Variants in MLF1 observed in about 807,000 individuals in gnomAD.
MLF1 encodes myelodysplasia-myeloid leukemia factor 1.
Under a neutral mutation model 38.3 loss-of-function variants are expected in MLF1, and 37 were observed. That is an observed-to-expected ratio of 0.96 (90% CI 0.74 to 1.27). MLF1 has a LOEUF of 1.27. Ranked by LOEUF, MLF1 falls within the 50% of genes most tolerant of loss-of-function variation. The pLI is 0.00. For synonymous variants in MLF1, 95 were observed against 106.5 expected, an observed-to-expected ratio of 0.89 and a Z score of 0.66; for missense variants, 331 against 349.2, an observed-to-expected ratio of 0.95 and a Z score of 0.42.
At chr3:158,578,753 C>T (rs548486507) in intron 1 of MLF1, among the ~76,000 whole-genome samples, 1 of 152,224 alleles carries the variant, frequency 6.6e-6, no homozygotes, top group Non-Finnish European at 1.5e-5. Flanking sequence ...ATATAGTCAT[C>T]AGTGAGTAAA....
At chr3:158,604,007 T>G (rs1720164370) in intron 7 of MLF1, among the ~76,000 whole-genome samples, 1 of 152,128 alleles carries the variant, frequency 6.6e-6, no homozygotes, top group Non-Finnish European at 1.5e-5. Flanking sequence ...TTCTAAGCTA[T>G]AAGAAAGTGG....
chr3:158,580,938 A>G (rs185682242), intron 1 of MLF1, among the ~76,000 whole-genome samples: 5 of 152,176 alleles, frequency 3.3e-5, no homozygotes, highest in Admixed American at 2.0e-4. Flanking sequence ...ACAGAATGAA[A>G]CTCTGTCTCA....
chr3:158,574,091 A>G lies in MLF1; in HGVS notation c.47+2744A>G, dbSNP rs1392910285. Among the ~76,000 whole-genome samples, 6 of 152,178 alleles carry G rather than the reference A, an allele frequency of 3.9e-5. No individual in the cohort carries two copies. The South Asian group carries it at 1.2e-3, about 32-fold the overall frequency. On this transcript the variant is annotated intron_variant, in intron 1 of 7. Transcript: ENST00000466246. ...TGGGATTACAGGCATGCGCCACTGC[A>G]CCTAGCCAATGTTGTTGTTTAAATA... is the stretch of plus-strand genomic sequence containing the variant.
intron 1 of MLF1, among the ~76,000 whole-genome samples, chr3:158,572,879 A>G (rs1714754588): frequency 6.6e-6 from 1 of 151,510 alleles, no homozygotes; most frequent in South Asian, 2.1e-4. Context: ...ATTTGGCTGC[A>G]TGAGATGGAA....
intron 1 of MLF1, among the ~76,000 whole-genome samples, chr3:158,572,390 G>A (rs1276936628): frequency 1.4e-5 from 2 of 142,762 alleles, no homozygotes; most frequent in Admixed American, 6.9e-5. Context: ...AAGTGCAGGG[G>A]AGGATTGAGG....
At chr3:158,589,898 A>G (rs1026983067) in intron 1 of MLF1, among the ~76,000 whole-genome samples, 3 of 152,214 alleles carry the variant, frequency 2.0e-5, no homozygotes, top group African/African-American at 4.8e-5. Context: ...TTTTAAAGCC[A>G]GCAGTGTAGC....
chr3:158,582,073 G>A (rs544036811), intron 1 of MLF1, among the ~76,000 whole-genome samples: 75 of 152,138 alleles, frequency 4.9e-4, no homozygotes, highest in South Asian at 2.1e-4. Flanking sequence ...CCAGCTACTC[G>A]GGAGGCTGAG....
chr3:158,573,544 G>A (rs1714907487), intron 1 of MLF1: 1 of 152,072 alleles, frequency 6.6e-6, no homozygotes, highest in African/African-American at 2.4e-5. Flanking sequence ...TGAGTTGTGG[G>A]ATTTTTTTTC....
chr3:158,589,492 G>A (rs1239181431), intron 1 of MLF1, among the ~76,000 whole-genome samples: 6 of 152,156 alleles, frequency 3.9e-5, no homozygotes, highest in Non-Finnish European at 7.3e-5. Flanking sequence ...TTACAGGCAT[G>A]AGCCACCGCG....
At chr3:158,582,938 AAC>A in intron 1 of MLF1, 1 of 677,138 alleles carries the variant, frequency 1.5e-6, no homozygotes, top group Non-Finnish European at 2.7e-6. Flanking sequence ...AGGTAAAATA[AAC>A]ACATTTATTT....
At chr3:158,578,074 T>A (rs896032924) in intron 1 of MLF1, among the ~76,000 whole-genome samples, 7 of 152,184 alleles carry the variant, frequency 4.6e-5, no homozygotes, top group African/African-American at 1.4e-4. Flanking sequence ...CTCAAGATCC[T>A]TCTTTGAATG....
At chr3:158,602,680 C>T (rs141113451) in intron 6 of MLF1, 127 bp from the exon 7 acceptor site, 2 of 777,820 alleles carry the variant, frequency 2.6e-6, no homozygotes, top group East Asian at 5.7e-5. Context: ...TTTGAAGCAG[C>T]TTCCTGCCTC....
intron 6 of MLF1, among the ~76,000 whole-genome samples, chr3:158,601,506 G>A (rs950710046): frequency 6.6e-6 from 1 of 152,146 alleles, no homozygotes; most frequent in Admixed American, 6.5e-5. Context: ...GGAGGCGGAG[G>A]TTGCAGTGAG....
Position 158,602,911 on chromosome 3 carries a change from A to G in MLF1, c.718A>G (p.Asn240Asp). 2 of 1,613,478 alleles carry G rather than the reference A, an allele frequency of 1.2e-6. No individual in the cohort carries two copies. The highest frequency in any genetic ancestry group is 1.7e-6 in the Non-Finnish European group (2 of 1,179,768). ...NTRMRSVGHENPGSRELKRRE... is the reference protein window; with the variant it reads ...NTRMRSVGHEDPGSRELKRRE... Reference sequence around the variant, plus strand: ...TAGAATGAGAAGTGTTGGCCATGAGAATCCTGGCTCCCGAGAACTTAAAAG... The same window carrying G: ...TAGAATGAGAAGTGTTGGCCATGAGGATCCTGGCTCCCGAGAACTTAAAAG... The change falls in exon 7 of 8, where the codon AAT becomes GAT. Residue 240 changes from asparagine (N) to aspartate (D), a missense_variant. By Grantham distance (23) the Asn-to-Asp change is conservative. Transcript: ENST00000466246.
rs567491093 is a variant in MLF1, at chr3:158,599,963, T to G, written c.454-51T>G. Reference sequence around the variant, plus strand: ...CTCTGTAGGTAAGCTGGCCCTGAGATATACATTCTATATATATTTAAATAA... The same window carrying G: ...CTCTGTAGGTAAGCTGGCCCTGAGAGATACATTCTATATATATTTAAATAA... On this transcript the variant is annotated intron_variant, in intron 5 of 7. Coordinates refer to ENST00000466246, the MANE Select transcript of MLF1 (RefSeq NM_001369783.1). 1.3e-5 allele frequency: 12 copies of G among 890,828 alleles called. No individual in the cohort carries two copies. In the East Asian group the frequency reaches 4.5e-4, roughly 34 times the overall value. 55.2% of individuals were successfully genotyped at this position (890,828 alleles called of 1,614,324 possible). A position where few individuals can be genotyped will look rare whatever the true frequency, so the allele number is the denominator to read the frequency against.
intron 1 of MLF1, among the ~76,000 whole-genome samples, chr3:158,589,782 G>C (rs1717857716): frequency 6.6e-6 from 1 of 152,154 alleles, no homozygotes; most frequent in African/African-American, 2.4e-5. Context: ...TCAAGGTGTT[G>C]GCAGGGCTAC....
Position 158,592,666 on chromosome 3 carries a change from A to G in MLF1, c.195+85A>G, listed in dbSNP as rs112975102. The G allele has an allele frequency of 1.7e-3, 1,807 of 1,090,032 alleles. 26 individuals are homozygous for G. The African/African-American group carries it at 0.026, about 16-fold the overall frequency. The allele number at this position is 1,090,032 out of a possible 1,614,324, so 67.5% of individuals were successfully genotyped here. A position where few individuals can be genotyped will look rare whatever the true frequency, so the allele number is the denominator to read the frequency against. ...ATTACAGAAGTATATATCTATAATG[A>G]TAGGATATGACTAATATTCTTGTTC... On this transcript the variant is annotated intron_variant, in intron 2 of 7. Coordinates refer to ENST00000466246, the MANE Select transcript of MLF1 (RefSeq NM_001369783.1).
chr3:158,591,040 C>T (rs1258633577), intron 1 of MLF1: 3 of 465,666 alleles, frequency 6.4e-6, no homozygotes, highest in Non-Finnish European at 1.3e-5. Context: ...TTTATGTATA[C>T]AAATACTATG....
intron 3 of MLF1, among the ~76,000 whole-genome samples, chr3:158,596,616 T>C (rs1718917812): frequency 6.6e-6 from 1 of 152,176 alleles, no homozygotes; most frequent in African/African-American, 2.4e-5. Context: ...TGCACATATA[T>C]GTATTTATAA....
Sources: allele counts gnomAD v4.1 joint callset (sites outside exome capture counted in the v4.1 genomes callset), GRCh38; gene constraint gnomAD v4.1.1; transcripts MANE v1.5; gene names NCBI Gene and HGNC (gene_info 2026-07-23, HGNC 2026-07-21).